Variants in CCDC146 observed in about 807,000 individuals in gnomAD.
CCDC146 encodes coiled-coil domain-containing protein 146.
Under a neutral mutation model 119.3 loss-of-function variants are expected in CCDC146, and 92 were observed. That is an observed-to-expected ratio of 0.77 (90% CI 0.65 to 0.92). CCDC146 has a LOEUF of 0.92. CCDC146 is among the 40% of genes least tolerant of loss of function. CCDC146 has a pLI of 0.00. For synonymous variants in CCDC146, 372 were observed against 371.8 expected (o/e 1.00, Z -0.01); for missense variants, 1,000 against 1,103.0 (o/e 0.91, Z 1.32).
chr7:77,149,241 T>A (rs543473139), intron 1 of CCDC146, among the ~76,000 whole-genome samples: 66 of 152,296 alleles, frequency 4.3e-4, no homozygotes, highest in African/African-American at 1.4e-3. Flanking sequence ...GATTCCCTAT[T>A]TAATAAATGG....
chr7:77,143,496 C>G (rs1221735912), intron 1 of CCDC146, among the ~76,000 whole-genome samples: 2 of 151,980 alleles, frequency 1.3e-5, no homozygotes, highest in Non-Finnish European at 2.9e-5. Context: ...TTGCCCATGC[C>G]TATGTCCTGA....
At chr7:77,285,840 A>G (rs1793837399) in intron 15 of CCDC146, among the ~76,000 whole-genome samples, 1 of 152,236 alleles carries the variant, frequency 6.6e-6, no homozygotes, top group African/African-American at 2.4e-5. Context: ...ATTTAGCAGA[A>G]AAAATACAAA....
intron 4 of CCDC146, among the ~76,000 whole-genome samples, chr7:77,244,679 G>A (rs888315881): frequency 1.1e-4 from 17 of 152,184 alleles, no homozygotes; most frequent in Admixed American, 2.0e-4. Flanking sequence ...AGTGCACTCC[G>A]TGATGTTCAC....
At chr7:77,137,677 T>C (rs576589763) in intron 1 of CCDC146, among the ~76,000 whole-genome samples, 143 of 151,566 alleles carry the variant, frequency 9.4e-4, no homozygotes, top group African/African-American at 3.3e-3. Context: ...TCTTCCCAAA[T>C]TGATCTGTAG....
At chr7:77,248,829 T>TCC (rs1413707782) in intron 4 of CCDC146, among the ~76,000 whole-genome samples, 1 of 152,238 alleles carries the variant, frequency 6.6e-6, no homozygotes, top group Non-Finnish European at 1.5e-5. Context: ...ATCTTATTAG[T>TCC]TAAAATAAAA....
At chr7:77,147,242 C>T (rs1791035242) in intron 1 of CCDC146, among the ~76,000 whole-genome samples, 1 of 152,200 alleles carries the variant, frequency 6.6e-6, no homozygotes, top group South Asian at 2.1e-4. Flanking sequence ...AGTTCTCATG[C>T]CATGGTTTTC....
At chr7:77,132,893 C>T (rs1393402807) in intron 1 of CCDC146, among the ~76,000 whole-genome samples, 1 of 151,836 alleles carries the variant, frequency 6.6e-6, no homozygotes, top group African/African-American at 2.4e-5. Context: ...TTTGGTAGGC[C>T]GGGCACGGTG....
intron 3 of CCDC146, among the ~76,000 whole-genome samples, chr7:77,237,233 C>T (rs1792755144): frequency 6.6e-6 from 1 of 152,062 alleles, no homozygotes; most frequent in Non-Finnish European, 1.5e-5. Context: ...CTTGATCAGG[C>T]CGTGTACATC....
chr7:77,133,112 G>A (rs1365141647), intron 1 of CCDC146, among the ~76,000 whole-genome samples: 11 of 151,754 alleles, frequency 7.2e-5, no homozygotes, highest in South Asian at 2.1e-4. Flanking sequence ...CAGAGGTTGC[G>A]GTGAACCGAG....
intron 1 of CCDC146, among the ~76,000 whole-genome samples, chr7:77,126,714 C>T (rs1477920081): frequency 1.3e-5 from 2 of 152,104 alleles, no homozygotes; most frequent in African/African-American, 4.8e-5. Context: ...TCTGTCTATC[C>T]TCTTCGTCCT....
chr7:77,236,295 A>G (rs1187332248), intron 2 of CCDC146, among the ~76,000 whole-genome samples: 2 of 152,210 alleles, frequency 1.3e-5, no homozygotes, highest in Non-Finnish European at 2.9e-5. Context: ...AAGTCATTTT[A>G]ACTAGAAATA....
intron 2 of CCDC146, among the ~76,000 whole-genome samples, chr7:77,193,162 G>T (rs1034539910): frequency 6.6e-6 from 1 of 152,136 alleles, no homozygotes; most frequent in African/African-American, 2.4e-5. Context: ...AAGAGGAGAG[G>T]AAGTTGAATG....
intron 4 of CCDC146, among the ~76,000 whole-genome samples, chr7:77,246,850 C>G (rs1792959728): frequency 6.6e-6 from 1 of 152,158 alleles, no homozygotes; most frequent in Non-Finnish European, 1.5e-5. Context: ...ATCACAATTC[C>G]TACTTAGCAA....
Position 77,198,751 on chromosome 7 carries a change from A to C in CCDC146, c.156+30927A>C, listed in dbSNP as rs980874816. 7 of 182,072 alleles carry C rather than the reference A, an allele frequency of 3.8e-5. 1 individual carries two copies. Among genetic ancestry groups the C allele is most frequent in the Admixed American group, 2.4e-4 (4 of 16,464 alleles). 11.3% of individuals were successfully genotyped at this position (182,072 alleles called of 1,614,324 possible). A position where few individuals can be genotyped will look rare whatever the true frequency, so the allele number is the denominator to read the frequency against. On this transcript the variant is annotated intron_variant, in intron 2 of 18. Transcript: ENST00000285871. ...GATTACTTGCTAAAATCTTTCAAAG[A>C]CCTCTTTAGCCATGAGAAGCGGCAG...
At chr7:77,279,191 G>A in intron 13 of CCDC146, 90 bp downstream of exon 13, 1 of 1,388,764 alleles carries the variant, frequency 7.2e-7, no homozygotes, top group African/African-American at 1.5e-5. Flanking sequence ...AGATAGGAAA[G>A]AGGCAGAGGC....
chr7:77,278,151 T>C (rs748615008), intron 11 of CCDC146, among the ~76,000 whole-genome samples: 2 of 152,152 alleles, frequency 1.3e-5, no homozygotes, highest in African/African-American at 2.4e-5. Context: ...CACCAAAACT[T>C]ACTAGGAATC....
intron 2 of CCDC146, among the ~76,000 whole-genome samples, chr7:77,231,807 C>CTGT (rs921997141): frequency 6.8e-6 from 1 of 148,110 alleles, no homozygotes; most frequent in Non-Finnish European, 1.5e-5. Flanking sequence ...AAGTTTCTGC[C>CTGT]TGTTGTTGTT....
intron 1 of CCDC146, among the ~76,000 whole-genome samples, chr7:77,134,311 A>C (rs1448393383): frequency 6.6e-6 from 1 of 152,214 alleles, no homozygotes; most frequent in Admixed American, 6.5e-5. Flanking sequence ...ATTATAAATC[A>C]AATGCTAAAA....
intron 2 of CCDC146, chr7:77,195,747 C>G (rs1479065912): frequency 6.5e-6 from 1 of 152,724 alleles, no homozygotes; most frequent in Non-Finnish European, 1.5e-5. Context: ...ACCTCTTCCT[C>G]TCAGGTTCAA....
Sources: gnomAD v4.1 joint callset for allele counts (sites outside exome capture counted in the v4.1 genomes callset) on GRCh38, gnomAD v4.1.1 for gene constraint, MANE v1.5 for transcripts, NCBI Gene and HGNC (gene_info 2026-07-23, HGNC 2026-07-21) for gene names.